PPFIA2: variants seen among roughly 807,000 people sequenced by gnomAD.
PPFIA2 encodes liprin-alpha-2.
A neutral mutation model predicts 175.5 loss-of-function variants in PPFIA2; 46 were observed. The ratio of observed to expected loss-of-function variants is 0.26; its 90% confidence interval spans 0.21 to 0.34. The LOEUF (loss-of-function observed/expected upper bound fraction) is 0.34. Ranked by LOEUF, PPFIA2 falls within the 10% of genes least tolerant of loss-of-function variation. PPFIA2 has a pLI of 1.00. For missense variants in PPFIA2, 1,179 were observed against 1,506.1 expected (o/e 0.78, Z 3.60); for synonymous variants, 568 against 511.4 (o/e 1.11, Z -1.49).
intron 7 of PPFIA2, among the ~76,000 whole-genome samples, chr12:81,408,343 C>T (rs1219256734): frequency 1.3e-5 from 2 of 152,052 alleles, no homozygotes; most frequent in Non-Finnish European, 2.9e-5. Context: ...ACTAAGAAAA[C>T]ATCTATGACT....
chr12:81,295,123 T>C, intron 23 of PPFIA2, 88 bp from the exon 24 acceptor site: 2 of 1,215,844 alleles, frequency 1.6e-6, no homozygotes, highest in Non-Finnish European at 1.2e-6. Context: ...TTATGTATCT[T>C]ACATACATGA....
chr12:81,347,747 G>T lies in PPFIA2; in HGVS notation c.2018C>A (p.Ser673Tyr), dbSNP rs1202744291. Residue 673 changes from serine (S) to tyrosine (Y), a missense_variant, in exon 18 of 33, where the codon TCT (serine) becomes TAT (tyrosine). Coordinates refer to ENST00000549396, the MANE Select transcript of PPFIA2 (RefSeq NM_003625.5). ...EIRLIQEEKE[S>Y]TELRAEEIEN... Reference sequence around the variant, plus strand: ...AATTTCTTCAGCACGCAACTCTGTAGATTCTTTTTCTTCCTGAATTAGCCT... The same window carrying T: ...AATTTCTTCAGCACGCAACTCTGTATATTCTTTTTCTTCCTGAATTAGCCT... 6.2e-7 allele frequency: 1 copy of T among 1,613,648 alleles called. No individual in the cohort carries two copies. The highest frequency in any genetic ancestry group is 8.5e-7 in the Non-Finnish European group (1 of 1,179,756).
At chr12:81,316,618 A>C (rs893841767) in intron 22 of PPFIA2, among the ~76,000 whole-genome samples, 2 of 151,614 alleles carry the variant, frequency 1.3e-5, no homozygotes, top group African/African-American at 4.8e-5. Flanking sequence ...AAACAGCTAC[A>C]TCTCGTGTTT....
intron 4 of PPFIA2, among the ~76,000 whole-genome samples, chr12:81,646,617 G>A (rs899214172): frequency 6.6e-6 from 1 of 152,172 alleles, no homozygotes; most frequent in Non-Finnish European, 1.5e-5. Context: ...CTCTGACATT[G>A]CAATACTCAT....
intron 27 of PPFIA2, among the ~76,000 whole-genome samples, chr12:81,278,846 CA>C (rs1487008967): frequency 6.6e-6 from 1 of 152,106 alleles, no homozygotes; most frequent in Non-Finnish European, 1.5e-5. Flanking sequence ...GGAATATAAG[CA>C]AATTTAGACA....
chr12:81,561,626 A>G (rs1175053653), intron 4 of PPFIA2, among the ~76,000 whole-genome samples: 1 of 152,192 alleles, frequency 6.6e-6, no homozygotes, highest in East Asian at 1.9e-4. Flanking sequence ...TAAATTTTAT[A>G]TTCTCTGGAG....
chr12:81,751,982 G>T lies in PPFIA2; in HGVS notation c.249+1991C>A, dbSNP rs543794823. Among the ~76,000 whole-genome samples the T allele has an allele frequency of 8.5e-5, 13 of 152,104 alleles. 2 individuals are homozygous for T. The South Asian group carries it at 2.3e-3, about 27-fold the overall frequency. ...CTTTCAGATGTATTTTGGTAAGATT[G>T]GGATTTAAACTGAAAACTTCAAGCT... is the stretch of plus-strand genomic sequence containing the variant. On this transcript the variant is annotated intron_variant, in intron 3 of 32. Coordinates refer to ENST00000549396, the MANE Select transcript of PPFIA2 (RefSeq NM_003625.5).
At chr12:81,693,377 G>T (rs908335425) in intron 3 of PPFIA2, among the ~76,000 whole-genome samples, 7 of 151,966 alleles carry the variant, frequency 4.6e-5, no homozygotes, top group Admixed American at 1.3e-4. Context: ...CAAAGAGTGT[G>T]TGGAACCTCC....
At chr12:81,727,862 T>A (rs1050356538) in intron 3 of PPFIA2, among the ~76,000 whole-genome samples, 2 of 151,348 alleles carry the variant, frequency 1.3e-5, no homozygotes, top group African/African-American at 2.4e-5. Flanking sequence ...TTAGTACTAG[T>A]TGCATGGCTC....
intron 4 of PPFIA2, among the ~76,000 whole-genome samples, chr12:81,493,730 TTGTGTG>T (rs3075419): frequency 2.4e-4 from 29 of 122,336 alleles, no homozygotes; most frequent in East Asian, 7.5e-4. Flanking sequence ...GAGTGTGTGT[TTGTGTG>T]TGTGTGTGTG....
intron 4 of PPFIA2, among the ~76,000 whole-genome samples, chr12:81,611,547 C>T (rs2060910958): frequency 6.6e-6 from 1 of 152,140 alleles, no homozygotes; most frequent in Non-Finnish European, 1.5e-5. Flanking sequence ...GCCGTGGAGG[C>T]TGTGGGGTGC....
chr12:81,703,399 C>T (rs1265156710), intron 3 of PPFIA2, among the ~76,000 whole-genome samples: 1 of 151,984 alleles, frequency 6.6e-6, no homozygotes, highest in East Asian at 1.9e-4. Context: ...GATTTTTATT[C>T]TTCCTCAATC....
At chr12:81,446,813 T>C (rs1031603230) in intron 5 of PPFIA2, among the ~76,000 whole-genome samples, 1 of 152,236 alleles carries the variant, frequency 6.6e-6, no homozygotes, top group Non-Finnish European at 1.5e-5. Flanking sequence ...ATGAAAAATT[T>C]TGGTTTTCAC....
At chr12:81,662,099 A>T (rs1435349101) in intron 4 of PPFIA2, among the ~76,000 whole-genome samples, 1 of 152,210 alleles carries the variant, frequency 6.6e-6, no homozygotes, top group South Asian at 2.1e-4. Context: ...AGAAAGCAGG[A>T]AAGATCTAAA....
chr12:81,538,509 G>A (rs925973051), intron 4 of PPFIA2, among the ~76,000 whole-genome samples: 4 of 151,800 alleles, frequency 2.6e-5, no homozygotes, highest in African/African-American at 4.8e-5. Context: ...GAGGATGTTC[G>A]GGAAGATTGG....
At chr12:81,503,900 T>A (rs767832859) in intron 4 of PPFIA2, among the ~76,000 whole-genome samples, 3 of 152,018 alleles carry the variant, frequency 2.0e-5, no homozygotes, top group Non-Finnish European at 4.4e-5. Context: ...TTTGTTACTG[T>A]AGCATTTAAA....
At chr12:81,587,385 C>A (rs1363077726) in intron 4 of PPFIA2, among the ~76,000 whole-genome samples, 1 of 151,978 alleles carries the variant, frequency 6.6e-6, no homozygotes, top group Non-Finnish European at 1.5e-5. Context: ...CCTTCTTCCC[C>A]TTCCACCATG....
At chr12:81,651,732 G>C (rs1218386479) in intron 4 of PPFIA2, among the ~76,000 whole-genome samples, 6 of 152,072 alleles carry the variant, frequency 3.9e-5, no homozygotes, top group African/African-American at 1.4e-4. Flanking sequence ...AGAATAAGTG[G>C]CTTGTCTAAA....
At chr12:81,415,516 T>C (rs958404946) in intron 7 of PPFIA2, among the ~76,000 whole-genome samples, 4 of 149,858 alleles carry the variant, frequency 2.7e-5, no homozygotes, top group South Asian at 4.2e-4. Context: ...AAATTTTACA[T>C]CTAAACTAGT....
Sources: allele counts gnomAD v4.1 joint callset (sites outside exome capture counted in the v4.1 genomes callset), GRCh38; gene constraint gnomAD v4.1.1; transcripts MANE v1.5; gene names NCBI Gene and HGNC (gene_info 2026-07-23, HGNC 2026-07-21).